FMNL2: variants seen among roughly 807,000 people sequenced by gnomAD.
FMNL2 encodes the protein formin like 2.
Under a neutral mutation model 130.2 loss-of-function variants are expected in FMNL2, and 51 were observed. The observed-to-expected ratio is 0.39, with a 90% CI of 0.31 to 0.49. The LOEUF (loss-of-function observed/expected upper bound fraction) is 0.49, where lower values mean the gene tolerates loss of function less well. FMNL2 is among the 20% of genes least tolerant of loss of function. The pLI is 0.85. For synonymous variants in FMNL2, 465 were observed against 467.1 expected (o/e 1.00, Z 0.06); for missense variants, 977 against 1,316.2 (o/e 0.74, Z 3.99).
chr2:152,444,608 T>C (rs1000304587), intron 1 of FMNL2, among the ~76,000 whole-genome samples: 3 of 152,212 alleles, frequency 2.0e-5, no homozygotes, highest in Non-Finnish European at 4.4e-5. Context: ...GGTAGTGAGC[T>C]TGCGTGCTCA....
chr2:152,564,776 G>GTTGTTTTTTTTT (rs1553477787), intron 6 of FMNL2, among the ~76,000 whole-genome samples: 2 of 79,324 alleles, frequency 2.5e-5, no homozygotes, highest in Non-Finnish European at 4.7e-5. Context: ...TACAAGGTTG[G>GTTGTTTTTTTTT]TTTTTTTTTT....
chr2:152,480,835 A>G (rs992100757), intron 1 of FMNL2, among the ~76,000 whole-genome samples: 1 of 152,118 alleles, frequency 6.6e-6, no homozygotes, highest in Non-Finnish European at 1.5e-5. Context: ...CCTTGAGTGC[A>G]CTGTTCATTT....
Position 152,407,280 on chromosome 2 carries a change from G to A in FMNL2, c.117+71560G>A, listed in dbSNP as rs548633964. ...ACCCTCAGGGAGTTCTAGTAATAGG[G>A]TGAACATAACATCAATGGAATATGA... On this transcript the variant is annotated intron_variant, in intron 1 of 25. Transcript: ENST00000288670. Among the ~76,000 whole-genome samples the A allele has an allele frequency of 2.0e-5, 3 of 152,038 alleles. No individual in the cohort carries two copies. The East Asian group carries it at 5.8e-4, about 29-fold the overall frequency.
At chr2:152,397,245 A>G (rs902738454) in intron 1 of FMNL2, among the ~76,000 whole-genome samples, 2 of 152,186 alleles carry the variant, frequency 1.3e-5, no homozygotes, top group African/African-American at 4.8e-5. Flanking sequence ...AATGTGAAGA[A>G]TTTAAAAAAG....
chr2:152,397,267 G>C (rs939910308), intron 1 of FMNL2, among the ~76,000 whole-genome samples: 9 of 152,106 alleles, frequency 5.9e-5, no homozygotes, highest in Non-Finnish European at 1.2e-4. Flanking sequence ...CCCAAGCACA[G>C]ATGGTTCACC....
At chr2:152,516,931 A>G (rs1418246079) in intron 1 of FMNL2, among the ~76,000 whole-genome samples, 1 of 152,110 alleles carries the variant, frequency 6.6e-6, no homozygotes, top group Non-Finnish European at 1.5e-5. Context: ...TCTAGTTATA[A>G]TTTCTATTTT....
intron 3 of FMNL2, among the ~76,000 whole-genome samples, chr2:152,543,568 G>A (rs2105500390): frequency 6.6e-6 from 1 of 151,974 alleles, no homozygotes; most frequent in East Asian, 1.9e-4. Flanking sequence ...AATCTCTCAG[G>A]CTGATTCTCT....
intron 6 of FMNL2, among the ~76,000 whole-genome samples, chr2:152,569,272 G>C (rs377317176): frequency 1.3e-5 from 2 of 152,106 alleles, no homozygotes; most frequent in South Asian, 2.1e-4. Flanking sequence ...CATGAGAGCT[G>C]CTTCTCCGGA....
intron 1 of FMNL2, among the ~76,000 whole-genome samples, chr2:152,521,543 G>T (rs182485729): frequency 6.6e-6 from 1 of 151,902 alleles, no homozygotes; most frequent in Non-Finnish European, 1.5e-5. Flanking sequence ...GAATCTATCA[G>T]TGATTCTGAT....
At chr2:152,435,339 G>A (rs138214687) in intron 1 of FMNL2, among the ~76,000 whole-genome samples, 107 of 152,216 alleles carry the variant, frequency 7.0e-4, no homozygotes, top group African/African-American at 2.5e-3. Flanking sequence ...AAGGGCAAAT[G>A]GGACAGATTA....
intron 1 of FMNL2, among the ~76,000 whole-genome samples, chr2:152,362,735 A>G (rs1207175799): frequency 6.6e-6 from 1 of 152,208 alleles, no homozygotes; most frequent in Non-Finnish European, 1.5e-5. Flanking sequence ...TTTATGGACA[A>G]AATATCACTT....
intron 4 of FMNL2, among the ~76,000 whole-genome samples, chr2:152,553,841 T>A (rs1695067477): frequency 6.6e-6 from 1 of 152,198 alleles, no homozygotes; most frequent in South Asian, 2.1e-4. Context: ...ATTGGTTTAA[T>A]TTTTGCAAAT....
Position 152,353,464 on chromosome 2 carries a change from G to GA in FMNL2, c.117+17744_117+17745insA, listed in dbSNP as rs1682616398. On this transcript the variant is annotated intron_variant, in intron 1 of 25. Coordinates refer to ENST00000288670, the MANE Select transcript of FMNL2 (RefSeq NM_052905.4). The stretch of plus-strand genomic sequence containing the variant: ...TAAGCCTTACTTCTCTAGGTTGCAA[G>GA]CATCAGAAAGTAAGTATATGTCCCT... Among the ~76,000 whole-genome samples, 2 of 152,208 alleles carry GA rather than the reference G, an allele frequency of 1.3e-5. 1 individual carries two copies. The highest frequency in any genetic ancestry group is 4.1e-4 in the South Asian group (2 of 4,830).
intron 1 of FMNL2, among the ~76,000 whole-genome samples, chr2:152,429,310 G>A (rs1415490529): frequency 6.6e-6 from 1 of 151,902 alleles, no homozygotes; most frequent in Non-Finnish European, 1.5e-5. Flanking sequence ...TCCCTTTCTA[G>A]GCCGGTGCCC....
intron 16 of FMNL2, 88 bp from the exon 17 acceptor site, chr2:152,626,437 C>T (rs148177437): frequency 3.7e-6 from 4 of 1,091,896 alleles, no homozygotes; most frequent in African/African-American, 1.6e-5. Flanking sequence ...GAAAAAGTGA[C>T]GTTTTTGCTT....
rs73968029 is a variant in FMNL2 at position 152,475,031 on chromosome 2, C to T, written c.118-46912C>T. Among the ~76,000 whole-genome samples the T allele has an allele frequency of 2.6e-4, 40 of 152,238 alleles. 1 individual carries two copies. Among genetic ancestry groups the T allele is most frequent in the African/African-American group, 9.6e-4 (40 of 41,548 alleles). ...CTAAGTGACTGTGGGCAAGTCATTT[C>T]GTCTTCCAAAACCTGTTTGCTTATC... On this transcript the variant is annotated intron_variant, in intron 1 of 25. Coordinates refer to ENST00000288670, the MANE Select transcript of FMNL2 (RefSeq NM_052905.4).
chr2:152,543,085 G>T (rs905898381), intron 3 of FMNL2, among the ~76,000 whole-genome samples: 17 of 152,192 alleles, frequency 1.1e-4, no homozygotes, highest in Non-Finnish European at 1.8e-4. Context: ...ATTACGTAGG[G>T]CAGTGAGTGC....
At chr2:152,601,138 T>C (rs989886686) in intron 9 of FMNL2, among the ~76,000 whole-genome samples, 1 of 152,140 alleles carries the variant, frequency 6.6e-6, no homozygotes, top group Non-Finnish European at 1.5e-5. Flanking sequence ...AAGATCTGGA[T>C]AGTGAGGGTA....
chr2:152,547,283 C>T (rs1301157867), intron 3 of FMNL2, among the ~76,000 whole-genome samples: 1 of 152,172 alleles, frequency 6.6e-6, no homozygotes, highest in East Asian at 1.9e-4. Context: ...CGAGCCTCCT[C>T]ATTGCTGGGA....
Sources: gnomAD v4.1 joint callset for allele counts (sites outside exome capture counted in the v4.1 genomes callset) on GRCh38, gnomAD v4.1.1 for gene constraint, MANE v1.5 for transcripts, NCBI Gene and HGNC (gene_info 2026-07-23, HGNC 2026-07-21) for gene names.